NTRK2: variants seen among roughly 807,000 people sequenced by gnomAD.
NTRK2 encodes the protein BDNF/NT-3 growth factors receptor.
Under a neutral mutation model 94.5 loss-of-function variants are expected in NTRK2, and 13 were observed. That is an observed-to-expected ratio of 0.14 (90% CI 0.09 to 0.22). The LOEUF is 0.22. Among genes scored for constraint, NTRK2 ranks in the 10% least tolerant of loss-of-function variants. The pLI, the probability that NTRK2 is intolerant of heterozygous loss-of-function variation, is 1.00. For missense variants in NTRK2, 639 were observed against 1,071.2 expected (o/e 0.60, Z 5.63); for synonymous variants, 372 against 407.4 (o/e 0.91, Z 1.05).
chr9:84,944,127 G>T (rs2078506915), intron 15 of NTRK2, among the ~76,000 whole-genome samples: 1 of 151,350 alleles, frequency 6.6e-6, no homozygotes, highest in South Asian at 2.1e-4. Flanking sequence ...TTTTGCTTTG[G>T]GGACATGGAA....
At chr9:84,728,694 C>A (rs2062630588) in intron 9 of NTRK2, among the ~76,000 whole-genome samples, 1 of 152,098 alleles carries the variant, frequency 6.6e-6, no homozygotes, top group South Asian at 2.1e-4. Flanking sequence ...CTTTTATTGG[C>A]TCCGGAGCTG....
At chr9:84,706,393 G>T (rs539107798) in intron 4 of NTRK2, among the ~76,000 whole-genome samples, 2 of 152,166 alleles carry the variant, frequency 1.3e-5, no homozygotes, top group Admixed American at 6.5e-5. Context: ...TGTAATGCCA[G>T]GACTGTGTGA....
At chr9:84,749,117 A>G (rs911108199) in intron 11 of NTRK2, among the ~76,000 whole-genome samples, 4 of 152,176 alleles carry the variant, frequency 2.6e-5, no homozygotes, top group Admixed American at 6.5e-5. Flanking sequence ...AATCCCAGCT[A>G]CTAGGGAGGC....
chr9:84,971,919 G>A (rs1826234962), intron 17 of NTRK2, among the ~76,000 whole-genome samples: 1 of 152,212 alleles, frequency 6.6e-6, no homozygotes, highest in Non-Finnish European at 1.5e-5. Context: ...TAGATTTCTG[G>A]CCAGAATAAC....
intron 17 of NTRK2, among the ~76,000 whole-genome samples, chr9:84,957,140 C>T (rs541817160): frequency 6.6e-6 from 1 of 152,080 alleles, no homozygotes; most frequent in Non-Finnish European, 1.5e-5. Flanking sequence ...GATGATTCTC[C>T]GAAGAAAAGC....
intron 17 of NTRK2, among the ~76,000 whole-genome samples, chr9:84,957,964 G>A (rs531349134): frequency 7.2e-5 from 11 of 152,300 alleles, no homozygotes; most frequent in African/African-American, 2.4e-4. Flanking sequence ...CTCTAAAACA[G>A]TGTGCTAAGT....
At chr9:85,020,010 T>C (rs558568316) in intron 17 of NTRK2, among the ~76,000 whole-genome samples, 196 bp from the exon 18 acceptor site, 1 of 152,354 alleles carries the variant, frequency 6.6e-6, no homozygotes, top group South Asian at 2.1e-4. Flanking sequence ...AATATTTTTT[T>C]AAATGATTTT....
intron 2 of NTRK2, among the ~76,000 whole-genome samples, chr9:84,676,801 A>G (rs1404887294): frequency 1.3e-5 from 2 of 152,156 alleles, no homozygotes; most frequent in Non-Finnish European, 2.9e-5. Context: ...TAATAGAACC[A>G]CCATAAATGG....
At chr9:84,990,278 C>G (rs953724670) in intron 17 of NTRK2, among the ~76,000 whole-genome samples, 1 of 152,162 alleles carries the variant, frequency 6.6e-6, no homozygotes, top group Non-Finnish European at 1.5e-5. Context: ...TGAGAGCCAG[C>G]GCTTGGGAGT....
In NTRK2 at chr9:84,750,111, C is replaced by T. The variant is rs748668103; in HGVS notation, c.1297-1875C>T. On this transcript the variant is annotated intron_variant, in intron 11 of 18. Coordinates refer to ENST00000277120, the MANE Select transcript of NTRK2 (RefSeq NM_006180.6). ...GGTTCCTCAACCTTGGCACTATTGG[C>T]GTTTGGGGATAAATAATCCTTTGTT... 3.3e-5 allele frequency among the ~76,000 whole-genome samples: 5 copies of T among 152,186 alleles called. No homozygotes were observed. In the South Asian group the frequency reaches 1.0e-3, roughly 32 times the overall value.
chr9:84,815,308 T>TA (rs2072275011), intron 12 of NTRK2: 3 of 1,050,194 alleles, frequency 2.9e-6, no homozygotes, highest in Non-Finnish European at 3.4e-6. Context: ...GCAGTGGGTT[T>TA]TTATGGGGAA....
At chr9:84,816,031 C>A (rs939073635) in intron 12 of NTRK2, among the ~76,000 whole-genome samples, 10 of 149,984 alleles carry the variant, frequency 6.7e-5, no homozygotes, top group Non-Finnish European at 1.2e-4. Context: ...TTTTTAAAAA[C>A]CCTAAATTCT....
chr9:84,701,348 C>T (rs2060706979), intron 2 of NTRK2, among the ~76,000 whole-genome samples: 1 of 152,212 alleles, frequency 6.6e-6, no homozygotes, highest in Admixed American at 6.5e-5. Context: ...AGGCCTGTGC[C>T]ATCCTTCAGC....
In NTRK2 at chr9:84,710,687, A is replaced by G; in HGVS notation, c.479A>G (p.Lys160Arg). The G allele has an allele frequency of 6.2e-7, 1 of 1,614,192 alleles. No individual in the cohort carries two copies. Among genetic ancestry groups the G allele is most frequent in the Non-Finnish European group, 8.5e-7 (1 of 1,180,024 alleles). Residue 160 changes from lysine to arginine, a missense_variant, in exon 6 of 19, where the codon AAG (lysine) becomes AGG (arginine). Coordinates refer to ENST00000277120, the MANE Select transcript of NTRK2 (RefSeq NM_006180.6). ...TGCTCCTGTGACATTATGTGGATCAAGACTCTCCAAGAGGCTAAATCCAGT... is the reference window on the plus strand; with the variant it reads ...TGCTCCTGTGACATTATGTGGATCAGGACTCTCCAAGAGGCTAAATCCAGT... ...FTCSCDIMWI[K>R]TLQEAKSSPD...
In NTRK2 at chr9:85,026,424, G is replaced by A. The variant is rs1833038164; in HGVS notation, c.*4987G>A. The A allele has an allele frequency of 4.3e-6, 1 of 231,866 alleles. No homozygotes were observed. The highest frequency in any genetic ancestry group is 5.6e-5 in the Admixed American group (1 of 17,730). The allele number at this position is 231,866 out of a possible 1,614,324, so 14.4% of individuals were successfully genotyped here. Reference sequence around the variant, plus strand: ...TGCTAGTAGCCATGTGTTTGAACAGGAAAAATATTACAGAAAATGAAATGT... The same window carrying A: ...TGCTAGTAGCCATGTGTTTGAACAGAAAAAATATTACAGAAAATGAAATGT... On this transcript the variant is annotated 3_prime_UTR_variant, in exon 19 of 19. Coordinates refer to ENST00000277120, the MANE Select transcript of NTRK2 (RefSeq NM_006180.6).
intron 15 of NTRK2, among the ~76,000 whole-genome samples, chr9:84,942,267 TA>T (rs1459555494): frequency 1.3e-5 from 2 of 152,214 alleles, no homozygotes; most frequent in Non-Finnish European, 2.9e-5. Flanking sequence ...ACGAATTCAT[TA>T]AAATACACTC....
At chr9:84,752,660 T>C (rs1192849756) in intron 12 of NTRK2, among the ~76,000 whole-genome samples, 1 of 152,210 alleles carries the variant, frequency 6.6e-6, no homozygotes, top group Non-Finnish European at 1.5e-5. Flanking sequence ...AATTAGGCAC[T>C]AATTGACCCA....
intron 14 of NTRK2, among the ~76,000 whole-genome samples, chr9:84,930,243 C>G (rs548348141): frequency 2.6e-5 from 4 of 152,320 alleles, no homozygotes; most frequent in Middle Eastern, 3.4e-3. Flanking sequence ...CCTCTTAGCT[C>G]CACTGCTGAA....
chr9:84,681,265 C>G (rs187964868), intron 2 of NTRK2, among the ~76,000 whole-genome samples: 1 of 152,208 alleles, frequency 6.6e-6, no homozygotes, highest in East Asian at 1.9e-4. Flanking sequence ...TGCCCCAAAC[C>G]CATTGCCAGT....
Sources: allele counts gnomAD v4.1 joint callset (sites outside exome capture counted in the v4.1 genomes callset), GRCh38; gene constraint gnomAD v4.1.1; transcripts MANE v1.5; gene names NCBI Gene and HGNC (gene_info 2026-07-23, HGNC 2026-07-21).